EEF2: variants seen among roughly 807,000 people sequenced by gnomAD.
EEF2 encodes elongation factor 2.
EEF2 carries 21 observed loss-of-function variants against 85.3 expected under a neutral mutation model. That is an observed-to-expected ratio of 0.25 (90% confidence interval 0.17 to 0.35). The LOEUF (loss-of-function observed/expected upper bound fraction) is 0.35. Among genes scored for constraint, EEF2 ranks in the 10% least tolerant of loss-of-function variants. The probability of loss-of-function intolerance (pLI) is 1.00; values close to 1 mark genes in which losing one functional copy is unlikely to be tolerated. For missense variants in EEF2, 825 were observed against 1,225.3 expected (o/e 0.67, Z 4.88); for synonymous variants, 723 against 508.8 (o/e 1.42, Z -5.67).
intron 7 of EEF2, 72 bp from the exon 8 acceptor site, chr19:3,981,051 C>G (rs2039739844): frequency 1.3e-6 from 2 of 1,506,652 alleles, no homozygotes; most frequent in African/African-American, 2.8e-5. Context: ...CACGCTTCCT[C>G]TCTTGAAGCC....
At chr19:3,982,453 G>C in intron 4 of EEF2, 29 bp from the exon 5 acceptor site, 1 of 1,613,568 alleles carries the variant, frequency 6.2e-7, no homozygotes, top group Non-Finnish European at 8.5e-7. Flanking sequence ...AGAAGCAGCC[G>C]TGAGGGCCCC....
At position 3,978,084 on chromosome 19, in the gene EEF2, C is replaced by A; in HGVS notation, c.1802G>T (p.Arg601Leu). 6.5e-7 allele frequency: 1 copy of A among 1,548,926 alleles called. No individual in the cohort carries two copies. Reference sequence around the variant, plus strand: ...GAAGGGCCGCGCCTTCATGTACAGCCGGTTGTGCTTGTTGGGGGACTTGGA... The same window carrying A: ...GAAGGGCCGCGCCTTCATGTACAGCAGGTTGTGCTTGTTGGGGGACTTGGA... ...CLSKSPNKHNRLYMKARPFPD... is the reference protein window; with the variant it reads ...CLSKSPNKHNLLYMKARPFPD... Residue 601 changes from arginine to leucine, a missense_variant, in exon 12 of 15, where the codon CGG becomes CTG. Arg to Leu is a moderately radical substitution (Grantham distance 102). Coordinates refer to ENST00000309311, the MANE Select transcript of EEF2 (RefSeq NM_001961.4).
rs1039585503 is a variant in EEF2 at position 3,981,247 on chromosome 19, T to G, written c.1011+92A>C. 8 of 1,294,900 alleles carry G rather than the reference T, an allele frequency of 6.2e-6. No individual in the cohort carries two copies. The East Asian group carries it at 1.8e-4, about 30-fold the overall frequency. The allele number at this position is 1,294,900 out of a possible 1,614,324, so 80.2% of individuals were successfully genotyped here. ...GGGGCAGCAGCTGTCCCTGCCCAGC[T>G]GAGGACTTCAGCCCCCAGGCCTGGG... is the stretch of plus-strand genomic sequence containing the variant. On this transcript the variant is annotated intron_variant, in intron 7 of 14. Transcript: ENST00000309311.
At position 3,982,716 on chromosome 19, in the gene EEF2, C is replaced by A. The variant is rs373013364; in HGVS notation, c.612+91G>T. 2.8e-6 allele frequency: 4 copies of A among 1,415,634 alleles called. No homozygotes were observed. The East Asian group carries it at 7.4e-5, about 26-fold the overall frequency. 87.7% of individuals were successfully genotyped at this position (1,415,634 alleles called of 1,614,324 possible). A position where few individuals can be genotyped will look rare whatever the true frequency, so the allele number is the denominator to read the frequency against. On this transcript the variant is annotated intron_variant, in intron 4 of 14. Transcript: ENST00000309311. ...ACCCAACATTCCTGGCAAAAACACA[C>A]TTCCAGTCCCCCTCAGCTCAACTCC...
Position 3,982,885 on chromosome 19 carries a change from G to A in EEF2, c.534C>T (p.Phe178=), listed in dbSNP as rs148371759. The A allele has an allele frequency of 1.2e-4, 190 of 1,613,628 alleles. No homozygotes were observed. The highest frequency in any genetic ancestry group is 1.6e-4 in the Non-Finnish European group (186 of 1,180,000). ...QLEPEELYQT[F]QRIVENVNVI... is the part of the protein sequence containing the mutation. ...CGTTCACGTTCTCCACGATGCGCTG[G>A]AAAGTCTGGTAGAGCTCCTCGGGCT... The change falls in exon 4 of 15, where the codon TTC becomes TTT. Residue 178 remains phenylalanine, a synonymous_variant. Transcript: ENST00000309311.
At chr19:3,980,137 C>T in intron 9 of EEF2, 71 bp from the exon 10 acceptor site, 1 of 1,551,748 alleles carries the variant, frequency 6.4e-7, no homozygotes, top group East Asian at 2.3e-5. Flanking sequence ...CAGGGCAGGT[C>T]CCTCCCGGAG....
chr19:3,980,768 C>G, intron 8 of EEF2, 59 bp from the exon 9 acceptor site: 1 of 1,596,370 alleles, frequency 6.3e-7, no homozygotes, highest in Non-Finnish European at 8.5e-7. Flanking sequence ...TTCTGGAACC[C>G]TGCAACCCAC....
At chr19:3,983,496 C>T (rs1408608868) in intron 2 of EEF2, among the ~76,000 whole-genome samples, 2 of 152,084 alleles carry the variant, frequency 1.3e-5, no homozygotes, top group Admixed American at 1.3e-4. Flanking sequence ...AGCCCCATAG[C>T]CAGATCCTCA....
In EEF2 at chr19:3,977,894, G is replaced by A. The variant is rs1445311018; in HGVS notation, c.1992C>T (p.Asp664=). ...PDGTGPNILT[D]ITKGVQYLNE... ...TGAGGTACTGCACACCCTTGGTGATGTCGGTGAGGATGTTGGGGCCGGTGC... is the reference window on the plus strand; with the variant it reads ...TGAGGTACTGCACACCCTTGGTGATATCGGTGAGGATGTTGGGGCCGGTGC... The change falls in exon 12 of 15, where the codon GAC becomes GAT. Residue 664 remains aspartate (D), a synonymous_variant. Coordinates refer to ENST00000309311, the MANE Select transcript of EEF2 (RefSeq NM_001961.4). This position sits in a 1 kb window ranked among gnomAD's most constrained non-coding sequence, Gnocchi z 5.4. 5 of 1,613,664 alleles carry A rather than the reference G, an allele frequency of 3.1e-6. No homozygotes were observed. Among genetic ancestry groups the A allele is most frequent in the Non-Finnish European group, 1.7e-6 (2 of 1,179,940 alleles).
chr19:3,976,982 G>C (rs1167260327), intron 14 of EEF2, among the ~76,000 whole-genome samples: 1 of 152,214 alleles, frequency 6.6e-6, no homozygotes, highest in Non-Finnish European at 1.5e-5. Flanking sequence ...CCAGGGCGTA[G>C]GCCTTCAGAG....
intron 1 of EEF2, chr19:3,984,693 C>CCA (rs770184718): frequency 3.9e-5 from 9 of 230,284 alleles, no homozygotes; most frequent in Non-Finnish European, 6.9e-5. Flanking sequence ...AAAGCCCCCT[C>CCA]CACGTTGTCA....
At position 3,978,196 on chromosome 19, in the gene EEF2, C is replaced by T. The variant is rs143308239; in HGVS notation, c.1714-24G>A. On this transcript the variant is annotated intron_variant, in intron 11 of 14. Transcript: ENST00000309311. Reference sequence around the variant, plus strand: ...TTCTGCAAAAAGAGGTTAAGTCCCACTCTTGCCTGGAGAAAGAGGTGACCT... The same window carrying T: ...TTCTGCAAAAAGAGGTTAAGTCCCATTCTTGCCTGGAGAAAGAGGTGACCT... 1,027 of 1,437,140 alleles carry T rather than the reference C, an allele frequency of 7.1e-4. 13 individuals carry two copies. The East Asian group carries it at 0.016, about 22-fold the overall frequency. The allele number at this position is 1,437,140 out of a possible 1,614,324, so 89.0% of individuals were successfully genotyped here.
chr19:3,984,115 C>A lies in EEF2; in HGVS notation c.218+21G>T, dbSNP rs754521752. ...AGGCCAGCACCTCCCTGCCTGGGTA[C>A]AGAGGGCACAGGGAGCTCACGTTGA... is the stretch of plus-strand genomic sequence containing the variant. On this transcript the variant is annotated intron_variant, in intron 2 of 14. Coordinates refer to ENST00000309311, the MANE Select transcript of EEF2 (RefSeq NM_001961.4). The A allele has an allele frequency of 5.0e-6, 8 of 1,611,310 alleles. No homozygotes were observed. In the East Asian group the frequency reaches 1.8e-4, roughly 36 times the overall value.
intron 3 of EEF2, 42 bp downstream of exon 3, chr19:3,983,068 C>T (rs759146230): frequency 1.9e-6 from 3 of 1,611,004 alleles, no homozygotes; most frequent in African/African-American, 2.7e-5. Context: ...GCAAGGATGG[C>T]CCCCGGTTCC....
At chr19:3,976,884 TCACGAAGGGCCTAGCAGGC>T in intron 14 of EEF2, 137 bp from the exon 15 acceptor site, 1 of 1,092,312 alleles carries the variant, frequency 9.2e-7, no homozygotes, top group South Asian at 1.7e-5. Context: ...GCCCAGCACT[TCACGAAGGGCCTAGCAGGC>T]CACTCATGGG....
chr19:3,977,656 C>A lies in EEF2; in HGVS notation c.2068-46G>T. 1 of 1,477,908 alleles carries A rather than the reference C, an allele frequency of 6.8e-7. No homozygotes were observed. Among genetic ancestry groups the A allele is most frequent in the South Asian group, 1.4e-5 (1 of 72,702 alleles). The allele number at this position is 1,477,908 out of a possible 1,614,324, so 91.5% of individuals were successfully genotyped here. ...CCGTCAAGGGCCGGACACACCTCGG[C>A]TGCTTGCCCTCCACCTGCCAAGTCC... On this transcript the variant is annotated intron_variant, in intron 12 of 14. Transcript: ENST00000309311. This position sits in a 1 kb window ranked among gnomAD's most constrained non-coding sequence, Gnocchi z 5.4.
intron 9 of EEF2, 99 bp downstream of exon 9, chr19:3,980,415 T>C (rs1001483039): frequency 2.6e-5 from 36 of 1,403,706 alleles, no homozygotes; most frequent in Non-Finnish European, 3.3e-5. Flanking sequence ...ATTCCTTCTA[T>C]GCTCCTTACT....
intron 6 of EEF2, 68 bp downstream of exon 6, chr19:3,981,879 G>T (rs986298573): frequency 6.8e-7 from 1 of 1,465,874 alleles, no homozygotes; most frequent in Non-Finnish European, 9.5e-7. Context: ...ACAGGCTACC[G>T]GCCGGAGCCC....
In EEF2 at chr19:3,980,087, C is replaced by A. The variant is rs766678952; in HGVS notation, c.1347-21G>T. On this transcript the variant is annotated intron_variant, in intron 9 of 14. Coordinates refer to ENST00000309311, the MANE Select transcript of EEF2 (RefSeq NM_001961.4). ...TTGTTCTGGAAGAAGCAGAAGGCGG[C>A]AGCAGGCCGCAGGGATGGTTGTGCT... 5 of 1,605,000 alleles carry A rather than the reference C, an allele frequency of 3.1e-6. No individual in the cohort carries two copies. In the South Asian group the frequency reaches 5.5e-5, roughly 18 times the overall value.
Sources: allele counts gnomAD v4.1 joint callset (sites outside exome capture counted in the v4.1 genomes callset), GRCh38; gene constraint gnomAD v4.1.1; non-coding constraint Gnocchi (gnomAD v3.1); transcripts MANE v1.5; gene names NCBI Gene and HGNC (gene_info 2026-07-23, HGNC 2026-07-21).